PDE6C: variants seen among roughly 807,000 people sequenced by gnomAD.
The protein encoded by PDE6C is phosphodiesterase 6C.
Under a neutral mutation model 113.1 loss-of-function variants are expected in PDE6C, and 75 were observed. The ratio of observed to expected loss-of-function variants is 0.66; its 90% confidence interval spans 0.55 to 0.80. The LOEUF (loss-of-function observed/expected upper bound fraction) is 0.80. Among genes scored for constraint, PDE6C ranks in the 30% least tolerant of loss-of-function variants. The pLI is 0.00. For missense variants in PDE6C, 912 were observed against 1,038.6 expected (o/e 0.88, Z 1.67); for synonymous variants, 375 against 363.7 (o/e 1.03, Z -0.35).
intron 4 of PDE6C, among the ~76,000 whole-genome samples, chr10:93,624,539 T>C (rs573111162): frequency 6.6e-6 from 1 of 152,264 alleles, no homozygotes; most frequent in South Asian, 2.1e-4. Context: ...CACCTGGCCT[T>C]ATTTATATTT....
chr10:93,654,530 T>C (rs1292065439), intron 15 of PDE6C, among the ~76,000 whole-genome samples: 1 of 152,208 alleles, frequency 6.6e-6, no homozygotes, highest in Non-Finnish European at 1.5e-5. Context: ...TGTTATTATT[T>C]GGTGTTCAGG....
chr10:93,634,837 T>C lies in PDE6C; in HGVS notation c.1199T>C (p.Val400Ala). The C allele has an allele frequency of 6.2e-7, 1 of 1,614,114 alleles. No homozygotes were observed. Among genetic ancestry groups the C allele is most frequent in the Non-Finnish European group, 8.5e-7 (1 of 1,179,988 alleles). ...ATTGTCAACAAGAAAGAAGATATTGTGGGAGTGGCTACATTTTACAACAGG... is the reference window on the plus strand; with the variant it reads ...ATTGTCAACAAGAAAGAAGATATTGCGGGAGTGGCTACATTTTACAACAGG... ...LPIVNKKEDI[V>A]GVATFYNRKD... Residue 400 changes from valine to alanine, a missense_variant, in exon 9 of 22, where the codon GTG becomes GCG. Val to Ala is a moderately conservative substitution (Grantham distance 64, BLOSUM62 0). Coordinates refer to ENST00000371447, the MANE Select transcript of PDE6C (RefSeq NM_006204.4).
chr10:93,665,625 C>CA lies in PDE6C; in HGVS notation c.*208dup, dbSNP rs1564807509. On this transcript the variant is annotated 3_prime_UTR_variant, in exon 22 of 22. Coordinates refer to ENST00000371447, the MANE Select transcript of PDE6C (RefSeq NM_006204.4). ...GTGCAAAATATGACAAAAATAGGTACATTTTTGGTGCCAATTTATTTTAAA... is the reference window on the plus strand; with the variant it reads ...GTGCAAAATATGACAAAAATAGGTACAATTTTTGGTGCCAATTTATTTTAAA... The CA allele has an allele frequency of 1.8e-6, 1 of 562,840 alleles. No individual in the cohort carries two copies. The highest frequency in any genetic ancestry group is 1.9e-5 in the African/African-American group (1 of 52,924). 34.9% of individuals were successfully genotyped at this position (562,840 alleles called of 1,614,324 possible).
In PDE6C at chr10:93,612,860, G is replaced by C; in HGVS notation, c.135G>C (p.Gln45His). The change falls in exon 1 of 22, where the codon CAG becomes CAC. Residue 45 changes from glutamine to histidine, a missense_variant. Physicochemically the swap from Gln to His is conservative, Grantham distance 24. Coordinates refer to ENST00000371447, the MANE Select transcript of PDE6C (RefSeq NM_006204.4). The part of the protein sequence containing the change: ...EIFKNSQVPV[Q>H]SSMSFSELTQ... ...TCAAGAACAGCCAGGTGCCAGTCCA[G>C]TCCAGCATGTCCTTCTCTGAGCTGA... 2 of 1,614,184 alleles carry C rather than the reference G, an allele frequency of 1.2e-6. No individual in the cohort carries two copies.
intron 2 of PDE6C, 51 bp downstream of exon 2, chr10:93,620,835 G>A (rs1249102461): frequency 1.9e-6 from 3 of 1,613,140 alleles, no homozygotes; most frequent in South Asian, 1.1e-5. Context: ...TTTATTTGTT[G>A]TATAACCAAA....
Position 93,620,691 on chromosome 10 carries a change from G to A in PDE6C, c.540G>A (p.Leu180=). The change falls in exon 2 of 22, where the codon CTG becomes CTA. Residue 180 remains leucine, a synonymous_variant. Transcript: ENST00000371447. ...CTGGGTATGTCACTAAGAACCTGCT[G>A]GCAACCCCGATCGTGGTGGGCAAGG... ...KQTGYVTKNL[L]ATPIVVGKEV... 1 of 1,614,116 alleles carries A rather than the reference G, an allele frequency of 6.2e-7. No homozygotes were observed.
Position 93,625,601 on chromosome 10 carries a change from G to A in PDE6C, c.891G>A (p.Lys297=). ...EKEFYDEWPI[K]LGEVEPYKGP... ...AATTCTACGATGAATGGCCAATCAA[G>A]CTTGGAGAAGTAGAGCCTTATAAAG... is the stretch of plus-strand genomic sequence containing the variant. Residue 297 remains lysine (K), a synonymous_variant, in exon 5 of 22, where the codon AAG becomes AAA. Transcript: ENST00000371447. The A allele has an allele frequency of 6.2e-7, 1 of 1,613,740 alleles. No individual in the cohort carries two copies. The highest frequency in any genetic ancestry group is 8.5e-7 in the Non-Finnish European group (1 of 1,179,646).
chr10:93,640,834 C>T, intron 13 of PDE6C, 86 bp from the exon 14 acceptor site: 1 of 878,644 alleles, frequency 1.1e-6, no homozygotes, highest in Non-Finnish European at 1.9e-6. Context: ...CCTAGTGGGC[C>T]TATTCTCTAT....
At chr10:93,630,452 C>T (rs1300177889) in intron 8 of PDE6C, among the ~76,000 whole-genome samples, 1 of 151,768 alleles carries the variant, frequency 6.6e-6, no homozygotes, top group East Asian at 1.9e-4. Context: ...CCCTCCTCAC[C>T]TGTCATCTCT....
intron 10 of PDE6C, 88 bp downstream of exon 10, chr10:93,635,728 T>C: frequency 7.3e-7 from 1 of 1,375,218 alleles, no homozygotes; most frequent in Non-Finnish European, 1.0e-6. Context: ...GTCTGACAAA[T>C]GCAAATGGTT....
chr10:93,635,482 T>C lies in PDE6C; in HGVS notation c.1270-15T>C. 6.2e-7 allele frequency: 1 copy of C among 1,606,792 alleles called. No individual in the cohort carries two copies. Among genetic ancestry groups the C allele is most frequent in the Non-Finnish European group, 8.5e-7 (1 of 1,173,498 alleles). ...TTCACTGAAGAGAATTAGAATCACC[T>C]TTTATCCATTTCAGACTCTCACACA... On this transcript the variant is annotated splice_polypyrimidine_tract_variant and intron_variant, in intron 9 of 21. Coordinates refer to ENST00000371447, the MANE Select transcript of PDE6C (RefSeq NM_006204.4).
intron 14 of PDE6C, among the ~76,000 whole-genome samples, chr10:93,645,413 C>T (rs552052894): frequency 1.3e-5 from 2 of 152,274 alleles, no homozygotes; most frequent in South Asian, 4.2e-4. Flanking sequence ...AGAGTCTTCA[C>T]ATAATCTCTA....
chr10:93,621,041 A>G (rs1256193389), intron 3 of PDE6C, 61 bp downstream of exon 3: 3 of 1,399,750 alleles, frequency 2.1e-6, no homozygotes, highest in East Asian at 2.3e-5. Flanking sequence ...CCGCCCAGAG[A>G]CAACAAATTC....
chr10:93,618,290 T>G (rs1229846534), intron 1 of PDE6C, among the ~76,000 whole-genome samples: 1 of 152,220 alleles, frequency 6.6e-6, no homozygotes, highest in Non-Finnish European at 1.5e-5. Context: ...GACACTCTTT[T>G]TTTTTCTAAG....
chr10:93,646,142 C>T, intron 15 of PDE6C, 95 bp downstream of exon 15: 1 of 765,490 alleles, frequency 1.3e-6, no homozygotes, highest in Non-Finnish European at 2.4e-6. Flanking sequence ...CCTTGAGTTA[C>T]AGCAGTTGAT....
chr10:93,655,639 C>CAA (rs1051137800), intron 15 of PDE6C, 121 bp from the exon 16 acceptor site: 84 of 322,426 alleles, frequency 2.6e-4, no homozygotes, highest in Admixed American at 5.0e-4. Context: ...GGAAGGAAAA[C>CAA]AAAAAAAAAA....
Position 93,654,750 on chromosome 10 carries a change from T to TTTTCTTTCTTTCTTTCTTTCTTTC in PDE6C, c.1936-970_1936-947dup, listed in dbSNP as rs1218959114. Among the ~76,000 whole-genome samples the TTTTCTTTCTTTCTTTCTTTCTTTC allele has an allele frequency of 2.5e-5, 3 of 120,714 alleles. No homozygotes were observed. In the Admixed American group the frequency reaches 2.8e-4, roughly 11 times the overall value. 79.2% of individuals were successfully genotyped at this position (120,714 alleles called of 152,430 possible). ...AAACCACCCCCAGCTTATATACTCA[T>TTTTCTTTCTTTCTTTCTTTCTTTC]TTTCTTTCTTTCTTTCTTTCTTTCT... On this transcript the variant is annotated intron_variant, in intron 15 of 21. Transcript: ENST00000371447.
At chr10:93,660,916 C>T (rs374659151) in intron 18 of PDE6C, among the ~76,000 whole-genome samples, 4 of 152,168 alleles carry the variant, frequency 2.6e-5, no homozygotes, top group African/African-American at 7.2e-5. Context: ...GATGTCTCTA[C>T]ACAGAGCTCA....
intron 16 of PDE6C, among the ~76,000 whole-genome samples, chr10:93,658,013 T>C (rs2058646786): frequency 6.7e-6 from 1 of 150,304 alleles, no homozygotes; most frequent in Admixed American, 6.6e-5. Flanking sequence ...TACAAAAAAA[T>C]TAAAAAATTA....
Sources: gnomAD v4.1 joint callset for allele counts (sites outside exome capture counted in the v4.1 genomes callset) on GRCh38, gnomAD v4.1.1 for gene constraint, MANE v1.5 for transcripts, NCBI Gene and HGNC (gene_info 2026-07-23, HGNC 2026-07-21) for gene names.